MACROD2: variants seen among roughly 807,000 people sequenced by gnomAD.
The protein encoded by MACROD2 is mono-ADP ribosylhydrolase 2, also known as ADP-ribose glycohydrolase MACROD2.
Under a neutral mutation model 70.4 loss-of-function variants are expected in MACROD2, and 36 were observed. The observed-to-expected ratio is 0.51, with a 90% CI of 0.39 to 0.68. The LOEUF is 0.68. Ranked by LOEUF, MACROD2 falls within the 30% of genes least tolerant of loss-of-function variation. The probability of loss-of-function intolerance (pLI) is 0.00; values close to 1 mark genes in which losing one functional copy is unlikely to be tolerated. For missense variants in MACROD2, 496 were observed against 538.4 expected (o/e 0.92, Z 0.78); for synonymous variants, 172 against 178.8 (o/e 0.96, Z 0.30).
chr20:15,912,117 C>A (rs1230154479), intron 10 of MACROD2, among the ~76,000 whole-genome samples: 2 of 152,182 alleles, frequency 1.3e-5, no homozygotes, highest in East Asian at 1.9e-4. Flanking sequence ...GCCAATAGTA[C>A]GGATTATGAC....
At chr20:14,480,508 TAGTA>T (rs1221958414) in intron 3 of MACROD2, among the ~76,000 whole-genome samples, 1 of 152,194 alleles carries the variant, frequency 6.6e-6, no homozygotes, top group Non-Finnish European at 1.5e-5. Flanking sequence ...CAACTAGTTT[TAGTA>T]AGTATTATTT....
At chr20:14,026,054 A>G (rs1181717991) in intron 2 of MACROD2, among the ~76,000 whole-genome samples, 4 of 152,182 alleles carry the variant, frequency 2.6e-5, no homozygotes, top group African/African-American at 4.8e-5. Flanking sequence ...TATATTTAGC[A>G]TAGTTAGCTC....
At chr20:14,431,660 C>A (rs1248868234) in intron 3 of MACROD2, among the ~76,000 whole-genome samples, 1 of 151,980 alleles carries the variant, frequency 6.6e-6, no homozygotes, top group African/African-American at 2.4e-5. Context: ...CTACCAGGTC[C>A]AAACAAATGG....
chr20:15,454,373 C>G (rs8123048), intron 7 of MACROD2, among the ~76,000 whole-genome samples: 7,535 of 150,866 alleles, frequency 0.05, 609 homozygotes, highest in African/African-American at 0.17. Context: ...GTTCCCCTAA[C>G]AAATGCTATA....
chr20:14,204,255 A>G (rs2081504568), intron 3 of MACROD2, among the ~76,000 whole-genome samples: 1 of 152,134 alleles, frequency 6.6e-6, no homozygotes, highest in African/African-American at 2.4e-5. Flanking sequence ...GTCCTGCACC[A>G]GCTGTTCTCT....
At chr20:14,263,175 T>C (rs2082114628) in intron 3 of MACROD2, among the ~76,000 whole-genome samples, 2 of 152,120 alleles carry the variant, frequency 1.3e-5, no homozygotes, top group Non-Finnish European at 2.9e-5. Flanking sequence ...TGGACATGGA[T>C]AGGCATATCA....
At chr20:14,208,393 T>TCA (rs1206677457) in intron 3 of MACROD2, among the ~76,000 whole-genome samples, 1 of 152,184 alleles carries the variant, frequency 6.6e-6, no homozygotes, top group African/African-American at 2.4e-5. Flanking sequence ...GGGATAGTGC[T>TCA]CAGTGCATGG....
intron 3 of MACROD2, among the ~76,000 whole-genome samples, chr20:14,120,656 A>T (rs910084585): frequency 1.9e-4 from 28 of 150,464 alleles, no homozygotes; most frequent in Non-Finnish European, 1.5e-5. Flanking sequence ...GATAAAGAAA[A>T]TGTGATATAT....
At chr20:14,597,407 T>C (rs577641541) in intron 4 of MACROD2, among the ~76,000 whole-genome samples, 5 of 152,190 alleles carry the variant, frequency 3.3e-5, no homozygotes, top group Non-Finnish European at 5.9e-5. Context: ...TGAAGAAATA[T>C]ACAGGGAAGA....
chr20:15,730,008 A>G (rs2050923985), intron 8 of MACROD2, among the ~76,000 whole-genome samples: 1 of 151,720 alleles, frequency 6.6e-6, no homozygotes, highest in Admixed American at 6.6e-5. Flanking sequence ...TTGTATTTTC[A>G]GTAGAGATGG....
At chr20:14,753,195 A>G (rs2071897181) in intron 5 of MACROD2, among the ~76,000 whole-genome samples, 2 of 152,122 alleles carry the variant, frequency 1.3e-5, no homozygotes, top group Non-Finnish European at 2.9e-5. Context: ...TCAAGACCAC[A>G]TGCCTCTACT....
intron 4 of MACROD2, among the ~76,000 whole-genome samples, chr20:14,571,940 T>C (rs1165530507): frequency 6.6e-6 from 1 of 152,058 alleles, no homozygotes. Context: ...TGCCCAGATA[T>C]ACAGTAATGA....
chr20:15,860,571 AT>A (rs1209240283), intron 8 of MACROD2, among the ~76,000 whole-genome samples: 5 of 151,954 alleles, frequency 3.3e-5, no homozygotes, highest in Admixed American at 3.3e-4. Flanking sequence ...TAATTTTAGG[AT>A]TTTTGATTAT....
intron 3 of MACROD2, among the ~76,000 whole-genome samples, chr20:14,196,837 T>G (rs1280412015): frequency 6.6e-6 from 1 of 152,224 alleles, no homozygotes; most frequent in Non-Finnish European, 1.5e-5. Flanking sequence ...TAATAAAGCT[T>G]TGCCACTACA....
intron 2 of MACROD2, among the ~76,000 whole-genome samples, chr20:14,048,979 CTG>C (rs2053518127): frequency 6.6e-6 from 1 of 151,952 alleles, no homozygotes; most frequent in Non-Finnish European, 1.5e-5. Context: ...TAAAAGAATA[CTG>C]TCTATTCATG....
intron 8 of MACROD2, among the ~76,000 whole-genome samples, chr20:15,582,047 G>A (rs1354583663): frequency 1.3e-5 from 2 of 152,062 alleles, no homozygotes; most frequent in African/African-American, 2.4e-5. Flanking sequence ...CCTTGAACCT[G>A]GGAGGCCAAG....
Position 15,650,798 on chromosome 20 carries a change from G to A in MACROD2, c.645+150951G>A, listed in dbSNP as rs1006126181. Among the ~76,000 whole-genome samples, 9 of 152,104 alleles carry A rather than the reference G, an allele frequency of 5.9e-5. No homozygotes were observed. The South Asian group carries it at 1.0e-3, about 18-fold the overall frequency. ...AAGATGCTAAAATAGGAGAAACAAG[G>A]CATATAACATGTGAAACCTGAGAAC... On this transcript the variant is annotated intron_variant, in intron 8 of 17. Coordinates refer to ENST00000684519, the MANE Select transcript of MACROD2 (RefSeq NM_001351661.2).
At chr20:15,174,003 C>A (rs956044541) in intron 5 of MACROD2, among the ~76,000 whole-genome samples, 2 of 152,158 alleles carry the variant, frequency 1.3e-5, no homozygotes, top group African/African-American at 4.8e-5. Flanking sequence ...ATAGAAGTTT[C>A]TTTTATAAGT....
intron 2 of MACROD2, among the ~76,000 whole-genome samples, chr20:14,052,772 T>C (rs989724495): frequency 1.3e-5 from 2 of 152,156 alleles, no homozygotes; most frequent in Non-Finnish European, 2.9e-5. Flanking sequence ...TTTGAAGTTT[T>C]AGAAACACTA....
Sources: allele counts gnomAD v4.1 joint callset (sites outside exome capture counted in the v4.1 genomes callset), GRCh38; gene constraint gnomAD v4.1.1; transcripts MANE v1.5; gene names NCBI Gene and HGNC (gene_info 2026-07-23, HGNC 2026-07-21).